Variants in MBNL2 observed in about 807,000 individuals in gnomAD.
The protein encoded by MBNL2 is muscleblind-like protein 2.
A neutral mutation model predicts 41.9 loss-of-function variants in MBNL2; 17 were observed. The observed-to-expected ratio is 0.41, with a 90% CI of 0.28 to 0.61. The LOEUF is 0.61. Among genes scored for constraint, MBNL2 ranks in the 20% least tolerant of loss-of-function variants. MBNL2 has a pLI of 0.35. For missense variants in MBNL2, 336 were observed against 505.6 expected (o/e 0.66, Z 3.22); for synonymous variants, 195 against 182.9 (o/e 1.07, Z -0.53).
intron 8 of MBNL2, among the ~76,000 whole-genome samples, chr13:97,370,178 G>A (rs1158127048): frequency 1.3e-5 from 2 of 152,132 alleles, no homozygotes; most frequent in African/African-American, 4.8e-5. Context: ...TGAAACAAAA[G>A]TTAGCTACCT....
intron 8 of MBNL2, among the ~76,000 whole-genome samples, chr13:97,381,162 G>GA (rs1165351666): frequency 6.6e-6 from 1 of 151,290 alleles, no homozygotes; most frequent in East Asian, 1.9e-4. Context: ...GAACTAAAAA[G>GA]AAAAAAACAC....
At chr13:97,196,164 G>A in the MBNL2 span, among the ~76,000 whole-genome samples, 24 of 152,258 alleles carry the variant, frequency 1.6e-4, no homozygotes, top group African/African-American at 4.8e-4. Context: ...GTAGAAAACC[G>A]TAAAGGCTGA....
the MBNL2 span, among the ~76,000 whole-genome samples, chr13:97,201,124 C>CA: frequency 6.6e-6 from 1 of 152,050 alleles, no homozygotes; most frequent in Non-Finnish European, 1.5e-5. Flanking sequence ...CTTTGGAGCC[C>CA]TTGAGTGATG....
intron 3 of MBNL2, among the ~76,000 whole-genome samples, chr13:97,338,720 G>C (rs926321529): frequency 1.3e-5 from 2 of 152,184 alleles, no homozygotes; most frequent in Non-Finnish European, 2.9e-5. Context: ...GATGGAGGTG[G>C]AAGAACCACG....
At chr13:97,175,449 C>G in the MBNL2 span, among the ~76,000 whole-genome samples, 1 of 152,060 alleles carries the variant, frequency 6.6e-6, no homozygotes, top group Non-Finnish European at 1.5e-5. Context: ...GGGGACTGAC[C>G]CACACACCAC....
intron 2 of MBNL2, among the ~76,000 whole-genome samples, chr13:97,289,714 G>A (rs1165601061): frequency 4.6e-5 from 7 of 152,194 alleles, no homozygotes; most frequent in East Asian, 1.9e-4. Context: ...CCTTGCTTTC[G>A]TGGACCTTGC....
the MBNL2 span, among the ~76,000 whole-genome samples, chr13:97,191,396 T>A: frequency 6.6e-3 from 997 of 150,594 alleles, 11 homozygotes; most frequent in East Asian, 0.02. Context: ...TTTCCCTTTT[T>A]TCCTTTTCAC....
the MBNL2 span, chr13:97,172,499 T>C: frequency 6.6e-6 from 1 of 152,238 alleles, no homozygotes; most frequent in East Asian, 1.9e-4. Flanking sequence ...AGATGAATTC[T>C]TGGGTCTTCA....
At chr13:97,375,654 A>G (rs1234160609) in intron 8 of MBNL2, among the ~76,000 whole-genome samples, 1 of 152,188 alleles carries the variant, frequency 6.6e-6, no homozygotes, top group Non-Finnish European at 1.5e-5. Context: ...AAGACGTCAC[A>G]TGTTTGGTCA....
At chr13:97,215,644 TC>T in the MBNL2 span, among the ~76,000 whole-genome samples, 1 of 152,250 alleles carries the variant, frequency 6.6e-6, no homozygotes, top group Non-Finnish European at 1.5e-5. Flanking sequence ...ATGTTTTTTT[TC>T]AAATATTTTG....
chr13:97,326,978 C>T (rs1325475516), intron 2 of MBNL2, among the ~76,000 whole-genome samples: 1 of 152,186 alleles, frequency 6.6e-6, no homozygotes, highest in African/African-American at 2.4e-5. Context: ...TAATAAGAAT[C>T]GGCTCACCCA....
chr13:97,351,979 A>G lies in MBNL2; in HGVS notation c.805-4817A>G, dbSNP rs534266398. 9.2e-5 allele frequency among the ~76,000 whole-genome samples: 14 copies of G among 152,108 alleles called. No homozygotes were observed. In the East Asian group the frequency reaches 1.4e-3, roughly 15 times the overall value. On this transcript the variant is annotated intron_variant, in intron 5 of 8. Transcript: ENST00000679496. ...GCAGAGGTTGCAGTAAACTGAGGTC[A>G]TGCCACTGCACTCTAGCCTGGGTCA... is the stretch of plus-strand genomic sequence containing the variant.
chr13:97,256,352 AT>A (rs564441578), intron 1 of MBNL2, among the ~76,000 whole-genome samples: 72 of 148,924 alleles, frequency 4.8e-4, no homozygotes, highest in African/African-American at 1.1e-3. Context: ...TTTTTAATCA[AT>A]TTTTTTTTTT....
At chr13:97,294,415 A>G (rs1487115501) in intron 2 of MBNL2, among the ~76,000 whole-genome samples, 1 of 152,266 alleles carries the variant, frequency 6.6e-6, no homozygotes, top group Non-Finnish European at 1.5e-5. Context: ...TATTAGCAGA[A>G]GAGACTTTTT....
intron 8 of MBNL2, among the ~76,000 whole-genome samples, chr13:97,386,390 C>T (rs912091295): frequency 6.6e-6 from 1 of 152,222 alleles, no homozygotes; most frequent in Admixed American, 6.5e-5. Context: ...TTTCCAGCTT[C>T]TTTTGGCAAA....
the MBNL2 span, among the ~76,000 whole-genome samples, chr13:97,157,337 C>G: frequency 7.6e-4 from 102 of 133,672 alleles, no homozygotes; most frequent in South Asian, 2.3e-3. Flanking sequence ...ATGTCATCTG[C>G]AAACAGGGAC....
At chr13:97,182,636 G>A in the MBNL2 span, among the ~76,000 whole-genome samples, 2 of 152,150 alleles carry the variant, frequency 1.3e-5, no homozygotes, top group African/African-American at 2.4e-5. Flanking sequence ...GGAAGAGGAG[G>A]TTAACGCACT....
Position 97,355,215 on chromosome 13 carries a change from CCAAA to C in MBNL2, c.805-1578_805-1575del, listed in dbSNP as rs1348698752. On this transcript the variant is annotated intron_variant, in intron 5 of 8. Coordinates refer to ENST00000679496, the MANE Select transcript of MBNL2 (RefSeq NM_001382683.1). ...GATGACTCCGATCAAAACTACCTTC[CCAAA>C]CATTTTCTTCTCCATTGGCCGTTCT... 4.6e-5 allele frequency among the ~76,000 whole-genome samples: 7 copies of C among 152,052 alleles called. No individual in the cohort carries two copies. The South Asian group carries it at 6.2e-4, about 14-fold the overall frequency.
chr13:97,153,456 C>G, the MBNL2 span, among the ~76,000 whole-genome samples: 9 of 151,894 alleles, frequency 5.9e-5, no homozygotes, highest in African/African-American at 2.2e-4. Flanking sequence ...ATAATCCAAA[C>G]AAATAGTTAA....
Sources: gnomAD v4.1 joint callset for allele counts (sites outside exome capture counted in the v4.1 genomes callset) on GRCh38, gnomAD v4.1.1 for gene constraint, MANE v1.5 for transcripts, NCBI Gene and HGNC (gene_info 2026-07-23, HGNC 2026-07-21) for gene names.